The following PSD3 variants were observed in gnomAD, a reference collection of about 807,000 sequenced individuals.
PSD3 encodes the protein pleckstrin and Sec7 domain containing 3.
A neutral mutation model predicts 105.5 loss-of-function variants in PSD3; 49 were observed. That is an observed-to-expected ratio of 0.46 (90% CI 0.37 to 0.59). The LOEUF is 0.59. Ranked by LOEUF, PSD3 falls within the 20% of genes least tolerant of loss-of-function variation. The probability of loss-of-function intolerance (pLI) is 0.00; values close to 1 mark genes in which losing one functional copy is unlikely to be tolerated. For missense variants in PSD3, 1,561 were observed against 1,263.8 expected, an observed-to-expected ratio of 1.24 and a Z score of -3.57; for synonymous variants, 557 against 457.8, an observed-to-expected ratio of 1.22 and a Z score of -2.77.
intron 15 of PSD3, among the ~76,000 whole-genome samples, chr8:18,553,029 AAG>A (rs1800869554): frequency 6.6e-6 from 1 of 152,124 alleles, no homozygotes; most frequent in African/African-American, 2.4e-5. Context: ...AAGGCATAGA[AAG>A]AGAGGTAAAT....
rs558314148 is a variant in PSD3 at position 18,980,638 on chromosome 8, G to C, written c.21+32925C>G. 2.6e-5 allele frequency among the ~76,000 whole-genome samples: 4 copies of C among 151,948 alleles called. No homozygotes were observed. The South Asian group carries it at 8.3e-4, about 32-fold the overall frequency. Reference sequence around the variant, plus strand: ...TCCTTTCTTGCCTCTTTTTGACTTAGTTTTGTTTTTATTTTTCCCTCTCTC... The same window carrying C: ...TCCTTTCTTGCCTCTTTTTGACTTACTTTTGTTTTTATTTTTCCCTCTCTC... On this transcript the variant is annotated intron_variant, in intron 1 of 15. Coordinates refer to ENST00000327040, the MANE Select transcript of PSD3 (RefSeq NM_015310.4).
At chr8:18,555,368 G>C (rs1801009416) in intron 15 of PSD3, among the ~76,000 whole-genome samples, 2 of 151,866 alleles carry the variant, frequency 1.3e-5, no homozygotes, top group South Asian at 2.1e-4. Flanking sequence ...GAAGTAAAAG[G>C]GGCCAGAGCT....
At chr8:18,816,338 T>A (rs1049430240) in intron 4 of PSD3, among the ~76,000 whole-genome samples, 1 of 152,242 alleles carries the variant, frequency 6.6e-6, no homozygotes, top group Non-Finnish European at 1.5e-5. Context: ...TGCAGTTAAA[T>A]AACTTTGCCA....
chr8:18,994,706 T>A (rs1317796745), intron 1 of PSD3, among the ~76,000 whole-genome samples: 1 of 151,968 alleles, frequency 6.6e-6, no homozygotes, highest in Non-Finnish European at 1.5e-5. Context: ...CATTGATTTC[T>A]TTTTACTTTT....
chr8:18,900,481 T>G (rs1338884134), intron 2 of PSD3, among the ~76,000 whole-genome samples: 2 of 152,110 alleles, frequency 1.3e-5, no homozygotes, highest in African/African-American at 2.4e-5. Context: ...TTGGTACATA[T>G]CAAGCAATTC....
intron 15 of PSD3, among the ~76,000 whole-genome samples, chr8:18,538,967 C>T (rs1001093551): frequency 5.3e-5 from 8 of 152,076 alleles, no homozygotes; most frequent in African/African-American, 1.2e-4. Context: ...AGGAAGCCTT[C>T]GAGGGTTGAT....
chr8:18,903,407 G>A (rs1035916298), intron 2 of PSD3, among the ~76,000 whole-genome samples: 2 of 152,128 alleles, frequency 1.3e-5, no homozygotes, highest in African/African-American at 4.8e-5. Flanking sequence ...GCAAAGAATA[G>A]CTGTTTTTTG....
intron 1 of PSD3, among the ~76,000 whole-genome samples, chr8:18,994,338 A>G (rs542235412): frequency 7.9e-5 from 12 of 152,232 alleles, no homozygotes; most frequent in South Asian, 4.2e-4. Flanking sequence ...ATTTGTTTTT[A>G]CGGTAGATTT....
At chr8:18,765,816 G>A (rs12335185) in intron 8 of PSD3, among the ~76,000 whole-genome samples, 39,941 of 151,672 alleles carry the variant, frequency 0.26, 7,609 homozygotes, top group African/African-American at 0.51. Context: ...AAAATACAAA[G>A]AATTAGTTTG....
At chr8:18,708,446 A>G (rs1802032355) in intron 9 of PSD3, among the ~76,000 whole-genome samples, 1 of 152,056 alleles carries the variant, frequency 6.6e-6, no homozygotes, top group African/African-American at 2.4e-5. Context: ...AAAAATTAGA[A>G]AATTTTTTTT....
intron 9 of PSD3, among the ~76,000 whole-genome samples, chr8:18,743,984 C>CACT (rs1172928852): frequency 6.6e-6 from 1 of 151,320 alleles, no homozygotes; most frequent in Non-Finnish European, 1.5e-5. Context: ...CCACCACCAC[C>CACT]ACCACCACCA....
At chr8:18,643,180 G>T (rs1224753828) in intron 10 of PSD3, among the ~76,000 whole-genome samples, 1 of 152,122 alleles carries the variant, frequency 6.6e-6, no homozygotes, top group African/African-American at 2.4e-5. Flanking sequence ...ATCCCATTGT[G>T]GAAGGTGCAA....
chr8:19,012,839 G>A (rs7002540), intron 1 of PSD3, among the ~76,000 whole-genome samples: 39,711 of 152,078 alleles, frequency 0.26, 5,712 homozygotes, highest in African/African-American at 0.38. Flanking sequence ...CCTGGATCCC[G>A]CTATCGGGAG....
At chr8:18,613,227 C>G (rs1805402605) in intron 11 of PSD3, among the ~76,000 whole-genome samples, 1 of 152,106 alleles carries the variant, frequency 6.6e-6, no homozygotes, top group South Asian at 2.1e-4. Flanking sequence ...GGATGAAAAA[C>G]CAGACTGCCG....
chr8:18,591,642 G>A (rs1371238233), intron 12 of PSD3, among the ~76,000 whole-genome samples: 4 of 152,108 alleles, frequency 2.6e-5, no homozygotes, highest in Admixed American at 2.0e-4. Flanking sequence ...GCTGTGGCTG[G>A]CACACTTAGT....
chr8:19,036,149 C>T (rs1041427278), intron 1 of PSD3, among the ~76,000 whole-genome samples: 4 of 152,112 alleles, frequency 2.6e-5, no homozygotes, highest in Non-Finnish European at 5.9e-5. Context: ...CGGAGATTGC[C>T]GGCAATGCAG....
intron 1 of PSD3, among the ~76,000 whole-genome samples, chr8:18,951,783 G>A (rs542878404): frequency 2.0e-5 from 3 of 152,036 alleles, no homozygotes; most frequent in South Asian, 2.1e-4. Context: ...TCAGGAGTTC[G>A]AGACCAACCT....
At chr8:18,929,523 G>A (rs1429452643) in intron 2 of PSD3, among the ~76,000 whole-genome samples, 3 of 152,134 alleles carry the variant, frequency 2.0e-5, no homozygotes, top group Admixed American at 2.0e-4. Flanking sequence ...GTTAGCATGG[G>A]TCTAATCCCA....
intron 8 of PSD3, among the ~76,000 whole-genome samples, chr8:18,781,027 T>C (rs1366021873): frequency 6.6e-6 from 1 of 152,180 alleles, no homozygotes; most frequent in African/African-American, 2.4e-5. Flanking sequence ...TCCCCAGGTA[T>C]AATATTTTTG....
Sources: gnomAD v4.1 joint callset for allele counts (sites outside exome capture counted in the v4.1 genomes callset) on GRCh38, gnomAD v4.1.1 for gene constraint, MANE v1.5 for transcripts, NCBI Gene and HGNC (gene_info 2026-07-23, HGNC 2026-07-21) for gene names.